The following NCOA2 variants were observed in gnomAD, a reference collection of about 807,000 sequenced individuals.
The protein encoded by NCOA2 is nuclear receptor coactivator 2.
Under a neutral mutation model 145.1 loss-of-function variants are expected in NCOA2, and 21 were observed. The observed-to-expected ratio is 0.14, with a 90% CI of 0.10 to 0.21. The LOEUF (loss-of-function observed/expected upper bound fraction) is 0.21, where lower values mean the gene tolerates loss of function less well. Among genes scored for constraint, NCOA2 ranks in the 10% least tolerant of loss-of-function variants. NCOA2 has a pLI of 1.00. For synonymous variants in NCOA2, 619 were observed against 637.5 expected (o/e 0.97, Z 0.44); for missense variants, 1,472 against 1,837.6 (o/e 0.80, Z 3.64).
chr8:70,405,335 G>A (rs1814718856), upstream of NCOA2, among the ~76,000 whole-genome samples: 1 of 151,182 alleles, frequency 6.6e-6, no homozygotes, highest in Admixed American at 6.6e-5. Context: ...GCGCTGGGGA[G>A]TGTAAGAAGT....
At position 70,322,172 on chromosome 8, in the gene NCOA2, T is replaced by C. The variant is rs1417127991; in HGVS notation, c.-76-25372A>G. On this transcript the variant is annotated intron_variant, in intron 1 of 22. Coordinates refer to ENST00000452400, the MANE Select transcript of NCOA2 (RefSeq NM_006540.4). ...TTCTAGTAAGTTATTTATTTCATCA[T>C]ATGGCACTAAGAAAATCATCATGTT... Among the ~76,000 whole-genome samples, 3 of 152,206 alleles carry C rather than the reference T, an allele frequency of 2.0e-5. No homozygotes were observed. The East Asian group carries it at 5.8e-4, about 29-fold the overall frequency.
At chr8:70,321,188 T>C (rs1806021839) in intron 1 of NCOA2, among the ~76,000 whole-genome samples, 1 of 152,242 alleles carries the variant, frequency 6.6e-6, no homozygotes, top group African/African-American at 2.4e-5. Flanking sequence ...ATGGAAAGTA[T>C]AGTTAACAAC....
chr8:70,226,955 G>C (rs1003772473), intron 2 of NCOA2, among the ~76,000 whole-genome samples: 6 of 151,860 alleles, frequency 4.0e-5, no homozygotes, highest in African/African-American at 9.7e-5. Flanking sequence ...CTTTACGCAG[G>C]CTTCACAGAT....
chr8:70,348,114 C>T (rs1236398076), intron 1 of NCOA2, among the ~76,000 whole-genome samples: 1 of 152,110 alleles, frequency 6.6e-6, no homozygotes, highest in Non-Finnish European at 1.5e-5. Context: ...GGCTACAATA[C>T]AAAGTGAGGT....
intron 2 of NCOA2, among the ~76,000 whole-genome samples, chr8:70,244,108 C>T (rs1822406094): frequency 6.6e-6 from 1 of 152,020 alleles, no homozygotes; most frequent in African/African-American, 2.4e-5. Context: ...TGATACATTC[C>T]TTACCTCTTC....
chr8:70,277,573 A>G (rs1046910780), intron 2 of NCOA2, among the ~76,000 whole-genome samples: 3 of 152,196 alleles, frequency 2.0e-5, no homozygotes, highest in Admixed American at 6.5e-5. Context: ...TTCTTTGGTA[A>G]TGTTAATAGC....
chr8:70,306,170 T>A (rs1359324624), intron 1 of NCOA2, among the ~76,000 whole-genome samples: 1 of 152,122 alleles, frequency 6.6e-6, no homozygotes, highest in Middle Eastern at 3.4e-3. Flanking sequence ...CGGGAAAAAA[T>A]TGAGATCTAG....
intron 1 of NCOA2, among the ~76,000 whole-genome samples, chr8:70,395,029 A>C (rs1236728109): frequency 2.0e-5 from 3 of 152,244 alleles, no homozygotes; most frequent in African/African-American, 7.2e-5. Context: ...GAAACTGTAG[A>C]TCATGATCAG....
chr8:70,134,601 G>A (rs977610302), intron 15 of NCOA2, among the ~76,000 whole-genome samples: 9 of 152,124 alleles, frequency 5.9e-5, no homozygotes, highest in Non-Finnish European at 1.0e-4. Flanking sequence ...CACATCTGGC[G>A]GAAACCCACT....
intron 1 of NCOA2, among the ~76,000 whole-genome samples, chr8:70,396,515 C>T (rs1297504640): frequency 6.6e-6 from 1 of 152,184 alleles, no homozygotes; most frequent in African/African-American, 2.4e-5. Context: ...GAGTACTGTA[C>T]GGTCATCTTT....
chr8:70,275,271 C>T (rs1397790044), intron 2 of NCOA2, among the ~76,000 whole-genome samples: 1 of 152,094 alleles, frequency 6.6e-6, no homozygotes, highest in Non-Finnish European at 1.5e-5. Flanking sequence ...CTGAAATCAT[C>T]ACCATAAATT....
the NCOA2 span, among the ~76,000 whole-genome samples, chr8:70,452,486 T>C: frequency 6.6e-6 from 1 of 152,118 alleles, no homozygotes; most frequent in Non-Finnish European, 1.5e-5. Context: ...TTATGTGAAA[T>C]GTCCAGAATG....
chr8:70,412,456 G>C, the NCOA2 span, among the ~76,000 whole-genome samples: 1 of 148,286 alleles, frequency 6.7e-6, no homozygotes, highest in African/African-American at 2.5e-5. Flanking sequence ...TTGACATTTT[G>C]TCTAAAGATC....
In NCOA2 at chr8:70,213,916, C is replaced by G. The variant is rs199608814; in HGVS notation, c.246G>C (p.Gln82His). Residue 82 changes from glutamine to histidine, a missense_variant, in exon 4 of 23, where the codon CAG (glutamine) becomes CAC (histidine). Gln to His is a conservative substitution (Grantham distance 24). This residue lies in a region of NCOA2 where 284 missense variants were observed against 467.8 expected (regional missense o/e 0.61). Coordinates refer to ENST00000452400, the MANE Select transcript of NCOA2 (RefSeq NM_006540.4). ...ILKETVKQIR[Q>H]IKEQEKAAAA... ...CAGTCCTCTTACCTTGTTCTTTGAT[C>G]TGACGAATTTGCTTCACAGTTTCTT... 2.2e-4 allele frequency: 350 copies of G among 1,595,178 alleles called. No individual in the cohort carries two copies. The highest frequency in any genetic ancestry group is 2.8e-4 in the Non-Finnish European group (326 of 1,170,488).
At chr8:70,160,682 G>GAGAGAGAGAGAGAGAGAGAGAGAGAGA (rs371258460) in intron 9 of NCOA2, among the ~76,000 whole-genome samples, 4 of 58,296 alleles carry the variant, frequency 6.9e-5, no homozygotes, top group African/African-American at 8.4e-5. Context: ...AGAGAGAGAG[G>GAGAGAGAGAGAGAGAGAGAGAGAGAGA]GAGAGAGAGA....
At chr8:70,159,999 G>A (rs1330249295) in intron 9 of NCOA2, among the ~76,000 whole-genome samples, 1 of 152,080 alleles carries the variant, frequency 6.6e-6, no homozygotes, top group Non-Finnish European at 1.5e-5. Flanking sequence ...TAAAATGGTA[G>A]AAAACAACAC....
At chr8:70,348,985 T>A (rs551630415) in intron 1 of NCOA2, among the ~76,000 whole-genome samples, 1 of 122,676 alleles carries the variant, frequency 8.2e-6, no homozygotes, top group African/African-American at 3.1e-5. Flanking sequence ...AGGGAAAAAA[T>A]TGAAAATGTG....
At chr8:70,420,892 G>A in the NCOA2 span, among the ~76,000 whole-genome samples, 4 of 151,986 alleles carry the variant, frequency 2.6e-5, no homozygotes, top group Non-Finnish European at 4.4e-5. Context: ...ATCTGCCTGC[G>A]TTGGCCTCCC....
chr8:70,219,986 T>C (rs1371234888), intron 2 of NCOA2, among the ~76,000 whole-genome samples: 1 of 152,214 alleles, frequency 6.6e-6, no homozygotes, highest in Non-Finnish European at 1.5e-5. Context: ...AAAAACGACT[T>C]TCTTCTAAGT....
Sources: allele counts gnomAD v4.1 joint callset (sites outside exome capture counted in the v4.1 genomes callset), GRCh38; gene constraint gnomAD v4.1.1; regional missense constraint gnomAD v4.1.1; transcripts MANE v1.5; gene names NCBI Gene and HGNC (gene_info 2026-07-23, HGNC 2026-07-21).